ULBP2: variants seen among roughly 807,000 people sequenced by gnomAD.
ULBP2 encodes the protein UL16 binding protein 2, also known as UL16-binding protein 2.
ULBP2 carries 21 observed loss-of-function variants against 23.6 expected under a neutral mutation model. The ratio of observed to expected loss-of-function variants is 0.89; its 90% confidence interval spans 0.63 to 1.28. The LOEUF is 1.28. ULBP2 is among the 50% of genes most tolerant of loss of function. The pLI is 0.00. For missense variants in ULBP2, 251 were observed against 306.0 expected, an observed-to-expected ratio of 0.82 and a Z score of 1.34; for synonymous variants, 82 against 112.8, an observed-to-expected ratio of 0.73 and a Z score of 1.73.
At chr6:149,946,097 C>T (rs1183136637) in intron 2 of ULBP2, among the ~76,000 whole-genome samples, 1 of 151,750 alleles carries the variant, frequency 6.6e-6, no homozygotes, top group Non-Finnish European at 1.5e-5. Flanking sequence ...AAAAAATTAG[C>T]CGGGTATGGT....
intron 4 of ULBP2, among the ~76,000 whole-genome samples, chr6:149,947,941 A>G (rs1351917978): frequency 6.6e-6 from 1 of 152,254 alleles, no homozygotes; most frequent in Non-Finnish European, 1.5e-5. Flanking sequence ...GAACCTTGGT[A>G]CACCTAATTG....
In ULBP2 at chr6:149,945,412, C is replaced by G. The variant is rs1778921680; in HGVS notation, c.189C>G (p.His63Gln). ...QGQVDEKTFL[H>Q]YDCGNKTVTP... Reference sequence around the variant, plus strand: ...AGGTGGATGAAAAGACTTTTCTTCACTATGACTGTGGCAACAAGACAGTCA... The same window carrying G: ...AGGTGGATGAAAAGACTTTTCTTCAGTATGACTGTGGCAACAAGACAGTCA... Residue 63 changes from histidine (H) to glutamine (Q), a missense_variant, in exon 2 of 5, where the codon CAC (histidine) becomes CAG (glutamine). By Grantham distance (24) the His-to-Gln change is conservative. Around this residue, in one of 2 missense-constraint regions of ULBP2, gnomAD observed 248 missense variants for 258.9 expected, o/e 0.96. Transcript: ENST00000367351. 2 of 1,613,912 alleles carry G rather than the reference C, an allele frequency of 1.2e-6. No homozygotes were observed. Among genetic ancestry groups the G allele is most frequent in the East Asian group, 4.5e-5 (2 of 44,880 alleles).
intron 4 of ULBP2, among the ~76,000 whole-genome samples, chr6:149,947,991 G>A (rs573628365): frequency 3.9e-5 from 6 of 152,362 alleles, no homozygotes; most frequent in Middle Eastern, 3.4e-3. Flanking sequence ...ACAGAAAGTG[G>A]CTTGGGTTCC....
rs1294193348 is a variant in ULBP2, at chr6:149,942,028, C to T, written c.-45C>T. On this transcript the variant is annotated 5_prime_UTR_variant, in exon 1 of 5. Coordinates refer to ENST00000367351, the MANE Select transcript of ULBP2 (RefSeq NM_025217.4). ...ACCTTGAGGTGATTCATCTTCCAGGCTCTCCTTCCATCAAGTCTCTCATCC... is the reference window on the plus strand; with the variant it reads ...ACCTTGAGGTGATTCATCTTCCAGGTTCTCCTTCCATCAAGTCTCTCATCC... The T allele has an allele frequency of 1.3e-6, 2 of 1,587,786 alleles. No individual in the cohort carries two copies. The highest frequency in any genetic ancestry group is 1.1e-5 in the South Asian group (1 of 88,128).
chr6:149,942,456 A>C (rs1183844772), intron 1 of ULBP2, among the ~76,000 whole-genome samples: 3 of 151,992 alleles, frequency 2.0e-5, no homozygotes, highest in Admixed American at 6.5e-5. Context: ...TGGCAGTCCC[A>C]CCCGCCCTCG....
intron 1 of ULBP2, 86 bp downstream of exon 1, chr6:149,942,243 T>C: frequency 7.1e-7 from 1 of 1,417,210 alleles, no homozygotes; most frequent in Non-Finnish European, 9.5e-7. Context: ...AGGGGAGGCT[T>C]CTAGAAGGAC....
At chr6:149,942,558 C>G (rs1285706827) in intron 1 of ULBP2, among the ~76,000 whole-genome samples, 2 of 152,116 alleles carry the variant, frequency 1.3e-5, no homozygotes, top group African/African-American at 4.8e-5. Context: ...GACACCCCCA[C>G]CAGCCACAGG....
chr6:149,948,874 G>T lies in ULBP2; in HGVS notation c.*174G>T, dbSNP rs1778982405. On this transcript the variant is annotated 3_prime_UTR_variant, in exon 5 of 5. Transcript: ENST00000367351. ...GACCCAATAGCTCATTCACTGCCTT[G>T]ATTCCTTTTGCCAACAATTTTACCA... is the stretch of plus-strand genomic sequence containing the variant. 5.0e-6 allele frequency: 2 copies of T among 400,108 alleles called. No homozygotes were observed. The allele number at this position is 400,108 out of a possible 1,614,324, so 24.8% of individuals were successfully genotyped here. A position where few individuals can be genotyped will look rare whatever the true frequency, so the allele number is the denominator to read the frequency against.
Position 149,942,069 on chromosome 6 carries a change from C to T in ULBP2, c.-4C>T, listed in dbSNP as rs1778870317. ...TCTCTCATCCCTAGCGCTCTGGGTC[C>T]TTAATGGCAGCAGCCGCCGCTACCA... On this transcript the variant is annotated 5_prime_UTR_variant, in exon 1 of 5. Coordinates refer to ENST00000367351, the MANE Select transcript of ULBP2 (RefSeq NM_025217.4). 6.2e-7 allele frequency: 1 copy of T among 1,613,152 alleles called. No individual in the cohort carries two copies. The highest frequency in any genetic ancestry group is 8.5e-7 in the Non-Finnish European group (1 of 1,179,672).
In ULBP2 at chr6:149,946,391, A is replaced by C. The variant is rs2282235; in HGVS notation, c.369A>C (p.Ala123=). ...YTPKEPLTLQ[A]RMSCEQKAEG... ...GGGCAGAACCCCTCACCCTGCAGGCAAGGATGTCTTGTGAGCAGAAAGCTG... is the reference window on the plus strand; with the variant it reads ...GGGCAGAACCCCTCACCCTGCAGGCCAGGATGTCTTGTGAGCAGAAAGCTG... The change falls in exon 3 of 5, where the codon GCA becomes GCC. Residue 123 remains alanine (A), a synonymous_variant. Transcript: ENST00000367351. The C allele has an allele frequency of 0.56, 901,476 of 1,604,866 alleles. 256,743 individuals carry two copies. Among genetic ancestry groups the C allele is most frequent in the East Asian group, 0.81 (36,016 of 44,492 alleles).
At chr6:149,948,396 T>A (rs1305466836) in intron 4 of ULBP2, among the ~76,000 whole-genome samples, 2 of 152,118 alleles carry the variant, frequency 1.3e-5, no homozygotes, top group Admixed American at 1.3e-4. Context: ...TTTGGAAGTC[T>A]GCCCCACCCC....
In ULBP2 at chr6:149,946,314, C is replaced by A. The variant is rs1398950539; in HGVS notation, c.350-58C>A. On this transcript the variant is annotated intron_variant, in intron 2 of 4. Coordinates refer to ENST00000367351, the MANE Select transcript of ULBP2 (RefSeq NM_025217.4). ...TAAGGCCAGCAAATTGTAAGGGGAA[C>A]AGGATGGGGGTGCAAAATTTGTCAA... 2.6e-6 allele frequency: 4 copies of A among 1,561,478 alleles called. No homozygotes were observed. The African/African-American group carries it at 5.4e-5, about 21-fold the overall frequency.
intron 2 of ULBP2, among the ~76,000 whole-genome samples, chr6:149,945,940 C>CAAAAAA (rs57354290): frequency 2.8e-5 from 2 of 72,718 alleles, no homozygotes; most frequent in African/African-American, 6.0e-5. Context: ...GACTTTGTCT[C>CAAAAAA]AAAAAAAAAA....
chr6:149,946,807 CCTGTGCT>C, intron 3 of ULBP2, 154 bp downstream of exon 3: 1 of 1,281,626 alleles, frequency 7.8e-7, no homozygotes, highest in Admixed American at 2.4e-5. Context: ...TACTGGCATG[CCTGTGCT>C]CTCCCACCGT....
At position 149,948,813 on chromosome 6, in the gene ULBP2, G is replaced by A. The variant is rs568580626; in HGVS notation, c.*113G>A. The A allele has an allele frequency of 1.8e-4, 82 of 456,146 alleles. No homozygotes were observed. Among genetic ancestry groups the A allele is most frequent in the Non-Finnish European group, 3.3e-4 (74 of 226,772 alleles). The allele number at this position is 456,146 out of a possible 1,614,324, so 28.3% of individuals were successfully genotyped here. On this transcript the variant is annotated 3_prime_UTR_variant, in exon 5 of 5. Transcript: ENST00000367351. ...CAGCTGCCCACGACCTACGGTGTAT[G>A]TCCAGTGGCCTCCAGCAGATCATGA...
chr6:149,946,558 C>T lies in ULBP2; in HGVS notation c.536C>T (p.Ala179Val). 3 of 1,614,132 alleles carry T rather than the reference C, an allele frequency of 1.9e-6. No homozygotes were observed. Among genetic ancestry groups the T allele is most frequent in the Non-Finnish European group, 2.5e-6 (3 of 1,180,036 alleles). ...AAGTGGGAGAATGACAAGGTTGTGG[C>T]CATGTCCTTCCATTACTTCTCAATG... is the stretch of plus-strand genomic sequence containing the variant. ...KEKWENDKVVAMSFHYFSMGD... is the reference protein window; with the variant it reads ...KEKWENDKVVVMSFHYFSMGD... Residue 179 changes from alanine (A) to valine (V), a missense_variant, in exon 3 of 5, where the codon GCC becomes GTC. This residue lies in a region of ULBP2 where 248 missense variants were observed against 258.9 expected (regional missense o/e 0.96). Transcript: ENST00000367351.
chr6:149,943,284 T>C (rs116264270), intron 1 of ULBP2, among the ~76,000 whole-genome samples: 2,561 of 152,250 alleles, frequency 0.017, 92 homozygotes, highest in African/African-American at 0.059. Flanking sequence ...ATGTCTCTGA[T>C]GTCAGTTGGA....
intron 3 of ULBP2, 87 bp from the exon 4 acceptor site, chr6:149,947,233 G>T (rs1323815661): frequency 9.5e-6 from 15 of 1,575,644 alleles, no homozygotes; most frequent in Non-Finnish European, 1.3e-5. Context: ...TGCCTTCCAG[G>T]ATGACCTAGG....
chr6:149,943,019 G>A (rs567194415), intron 1 of ULBP2, among the ~76,000 whole-genome samples: 1 of 152,300 alleles, frequency 6.6e-6, no homozygotes, highest in East Asian at 1.9e-4. Context: ...GCGTCATAGA[G>A]AATAGTCACT....
Sources: allele counts gnomAD v4.1 joint callset (sites outside exome capture counted in the v4.1 genomes callset), GRCh38; gene constraint gnomAD v4.1.1; regional missense constraint gnomAD v4.1.1; transcripts MANE v1.5; gene names NCBI Gene and HGNC (gene_info 2026-07-23, HGNC 2026-07-21).